The following HOXA3 variants were observed in gnomAD, a reference collection of about 807,000 sequenced individuals.
HOXA3 encodes the protein homeobox protein Hox-A3.
A neutral mutation model predicts 30.3 loss-of-function variants in HOXA3; 8 were observed. That is an observed-to-expected ratio of 0.26 (90% confidence interval 0.15 to 0.48). The LOEUF is 0.48. Ranked by LOEUF, HOXA3 falls within the 20% of genes least tolerant of loss-of-function variation. HOXA3 has a pLI of 0.99. For missense variants in HOXA3, 653 were observed against 614.4 expected, an observed-to-expected ratio of 1.06 and a Z score of -0.66; for synonymous variants, 323 against 273.1, an observed-to-expected ratio of 1.18 and a Z score of -1.80.
chr7:27,143,407 T>C (rs1782645197), intron 1 of HOXA3: 1 of 1,610,710 alleles, frequency 6.2e-7, no homozygotes, highest in Non-Finnish European at 8.5e-7. Context: ...GGGCGCGCTC[T>C]CCGGAGCCAA....
chr7:27,141,910 C>T (rs745498766), intron 1 of HOXA3: 21 of 1,614,110 alleles, frequency 1.3e-5, no homozygotes, highest in Middle Eastern at 1.6e-4. Context: ...ACTTCATTCT[C>T]CGGTTTTGGA....
At chr7:27,129,179 G>T (rs1388181198) in intron 2 of HOXA3, 1 of 1,140,412 alleles carries the variant, frequency 8.8e-7, no homozygotes, top group African/African-American at 1.5e-5. Context: ...GAGAAGAGAA[G>T]AGAAAAGCAG....
chr7:27,147,142 C>G lies in HOXA3; in HGVS notation c.-494+5146G>C, dbSNP rs1170371041. On this transcript the variant is annotated intron_variant, in intron 1 of 5. Coordinates refer to ENST00000612286, the MANE Select transcript of HOXA3 (RefSeq NM_153631.3). ...CTTCCTCTGCCATGGCCTGATAGCCCCATTGGGAACTGATTTTTTCTTCTC... is the reference window on the plus strand; with the variant it reads ...CTTCCTCTGCCATGGCCTGATAGCCGCATTGGGAACTGATTTTTTCTTCTC... 4.3e-6 allele frequency: 3 copies of G among 704,464 alleles called. No homozygotes were observed. The East Asian group carries it at 8.1e-5, about 19-fold the overall frequency. The allele number at this position is 704,464 out of a possible 1,614,324, so 43.6% of individuals were successfully genotyped here.
intron 2 of HOXA3, among the ~76,000 whole-genome samples, chr7:27,139,805 C>T (rs1402456614): frequency 6.6e-6 from 1 of 152,198 alleles, no homozygotes; most frequent in Non-Finnish European, 1.5e-5. Context: ...CATCTTTTTG[C>T]ACGCCGGCGG....
chr7:27,110,354 TGGGGCGGCGGCGGGTGCA>T lies in HOXA3; in HGVS notation c.269_286del (p.Leu90_Pro95del), dbSNP rs778568861. 21 of 1,496,394 alleles carry T rather than the reference TGGGGCGGCGGCGGGTGCA, an allele frequency of 1.4e-5. No individual in the cohort carries two copies. Among genetic ancestry groups the T allele is most frequent in the Non-Finnish European group, 1.9e-5 (21 of 1,127,070 alleles). 92.7% of individuals were successfully genotyped at this position (1,496,394 alleles called of 1,614,324 possible). On this transcript the variant is annotated inframe_deletion, in exon 5 of 6. Coordinates refer to ENST00000612286, the MANE Select transcript of HOXA3 (RefSeq NM_153631.3). ...CGGCTGTGGGGCAGGGGGCGCGGCC[TGGGGCGGCGGCGGGTGCA>T]GGGGCGGCTCTCCCAGGCTTGGAGG...
rs567268123 is a variant in HOXA3 at position 27,147,165 on chromosome 7, CTCTTT to C, written c.-494+5118_-494+5122del. The C allele has an allele frequency of 5.2e-4, 453 of 864,486 alleles. 2 individuals carry two copies. The African/African-American group carries it at 6.1e-3, about 12-fold the overall frequency. The allele number at this position is 864,486 out of a possible 1,614,324, so 53.6% of individuals were successfully genotyped here. ...CCCCATTGGGAACTGATTTTTTCTT[CTCTTT>C]TAAGAAGCCAAAGAAACTTTGCTGG... On this transcript the variant is annotated intron_variant, in intron 1 of 5. Transcript: ENST00000612286.
At chr7:27,130,768 G>T (rs932191165) in intron 2 of HOXA3, 4 of 1,580,420 alleles carry the variant, frequency 2.5e-6, no homozygotes, top group Non-Finnish European at 1.7e-6. Flanking sequence ...AATTTTTCTC[G>T]CGTTGTCGTT....
chr7:27,147,450 C>G (rs753931213), intron 1 of HOXA3: 10 of 1,614,212 alleles, frequency 6.2e-6, no homozygotes, highest in Non-Finnish European at 8.5e-6. Flanking sequence ...GCAGGTAGTC[C>G]CCGGGGCCCC....
Position 27,107,666 on chromosome 7 carries a change from G to A in HOXA3, c.*249C>T. 2.5e-6 allele frequency: 1 copy of A among 401,026 alleles called. No individual in the cohort carries two copies. The highest frequency in any genetic ancestry group is 4.4e-6 in the Non-Finnish European group (1 of 226,136). The allele number at this position is 401,026 out of a possible 1,614,324, so 24.8% of individuals were successfully genotyped here. A position where few individuals can be genotyped will look rare whatever the true frequency, so the allele number is the denominator to read the frequency against. On this transcript the variant is annotated 3_prime_UTR_variant, in exon 6 of 6. Coordinates refer to ENST00000612286, the MANE Select transcript of HOXA3 (RefSeq NM_153631.3). ...AAGGGTGCAGGGCCAGTGGCCTATC[G>A]AGGAGCAGGAAGAGATAAATATCGC...
chr7:27,121,383 C>T (rs1202863021), intron 4 of HOXA3, among the ~76,000 whole-genome samples: 3 of 152,140 alleles, frequency 2.0e-5, no homozygotes, highest in African/African-American at 7.2e-5. Context: ...GCCCCAAATT[C>T]CTGCAACTAT....
chr7:27,145,791 T>C, intron 1 of HOXA3: 1 of 1,614,258 alleles, frequency 6.2e-7, no homozygotes, highest in Admixed American at 1.7e-5. Context: ...GCAGAGCGCG[T>C]TGGCGATCTC....
At chr7:27,129,407 T>G in intron 2 of HOXA3, 6 of 1,614,142 alleles carry the variant, frequency 3.7e-6, no homozygotes, top group African/African-American at 1.3e-5. Flanking sequence ...TGAAACCAGA[T>G]CTTGACCTGG....
intron 1 of HOXA3, among the ~76,000 whole-genome samples, chr7:27,146,261 G>GTT (rs1782765395): frequency 6.6e-6 from 1 of 151,692 alleles, no homozygotes; most frequent in Non-Finnish European, 1.5e-5. Context: ...TTGTGTGTGT[G>GTT]TGTGTGTGTG....
chr7:27,141,113 C>CAAAAAAAAAAAAAAAAAA (rs147485948), intron 1 of HOXA3: 4 of 82,942 alleles, frequency 4.8e-5, no homozygotes, highest in African/African-American at 2.0e-4. Context: ...AAAACAAATA[C>CAAAAAAAAAAAAAAAAAA]AAAAAAAAAA....
In HOXA3 at chr7:27,140,158, A is replaced by G. The variant is rs1009671213; in HGVS notation, c.-465T>C. 6 of 152,168 alleles carry G rather than the reference A, an allele frequency of 3.9e-5. No individual in the cohort carries two copies. Among genetic ancestry groups the G allele is most frequent in the East Asian group, 1.9e-4 (1 of 5,186 alleles). The allele number at this position is 152,168 out of a possible 1,614,324, so 9.4% of individuals were successfully genotyped here. Reference sequence around the variant, plus strand: ...GGACACTTCTGGACCTAAAATTGACAGTTTGAATGGCCAGGCGGCACACGT... The same window carrying G: ...GGACACTTCTGGACCTAAAATTGACGGTTTGAATGGCCAGGCGGCACACGT... On this transcript the variant is annotated 5_prime_UTR_variant, in exon 2 of 6. Transcript: ENST00000612286.
At chr7:27,145,738 TGCG>T (rs1199618926) in intron 1 of HOXA3, 3 of 1,614,234 alleles carry the variant, frequency 1.9e-6, no homozygotes, top group Non-Finnish European at 2.5e-6. Flanking sequence ...TTCCACTTCA[TGCG>T]GCGGTTCTGG....
intron 1 of HOXA3, chr7:27,141,604 C>T: frequency 2.4e-6 from 1 of 408,380 alleles, no homozygotes; most frequent in South Asian, 5.9e-5. Context: ...GTTAAAACAT[C>T]TATTTTTTTT....
At chr7:27,145,039 G>T (rs947675052) in intron 1 of HOXA3, among the ~76,000 whole-genome samples, 1 of 152,174 alleles carries the variant, frequency 6.6e-6, no homozygotes, top group Non-Finnish European at 1.5e-5. Context: ...TTCCACTGAC[G>T]GTTGCACACG....
intron 1 of HOXA3, chr7:27,143,092 G>A (rs751882772): frequency 1.2e-5 from 19 of 1,558,226 alleles, no homozygotes; most frequent in Non-Finnish European, 1.6e-5. Flanking sequence ...TCTGGGGTTG[G>A]GCGGGCGGCG....
Sources: gnomAD v4.1 joint callset for allele counts (sites outside exome capture counted in the v4.1 genomes callset) on GRCh38, gnomAD v4.1.1 for gene constraint, MANE v1.5 for transcripts, NCBI Gene and HGNC (gene_info 2026-07-23, HGNC 2026-07-21) for gene names.